ANKRD62: variants seen among roughly 807,000 people sequenced by gnomAD.
The protein encoded by ANKRD62 is ankyrin repeat domain 62.
Under a neutral mutation model 98.8 loss-of-function variants are expected in ANKRD62, and 61 were observed. The ratio of observed to expected loss-of-function variants is 0.62; its 90% CI spans 0.50 to 0.76. ANKRD62 has a LOEUF of 0.76. Ranked by LOEUF, ANKRD62 falls within the 30% of genes least tolerant of loss-of-function variation. The pLI, the probability that ANKRD62 is intolerant of heterozygous loss-of-function variation, is 0.00. For missense variants in ANKRD62, 933 were observed against 1,082.9 expected (o/e 0.86, Z 1.94); for synonymous variants, 341 against 367.9 (o/e 0.93, Z 0.84).
chr18:12,127,846 T>C lies in ANKRD62; in HGVS notation c.2661T>C (p.Asn887=). ...AGATTTCATCAGAACGTCGTATTAA[T>C]TTAGAAGATGAGGCACAAAGTTTAA... ...MLEISSERRI[N]LEDEAQSLKK... is the part of the protein sequence containing the mutation. Residue 887 remains asparagine, a synonymous_variant, in exon 14 of 14, where the codon AAT becomes AAC. Transcript: ENST00000587848. The C allele has an allele frequency of 6.6e-7, 1 of 1,526,236 alleles. No homozygotes were observed. The highest frequency in any genetic ancestry group is 2.0e-5 in the Admixed American group (1 of 48,852). The allele number at this position is 1,526,236 out of a possible 1,614,324, so 94.5% of individuals were successfully genotyped here. A position where few individuals can be genotyped will look rare whatever the true frequency, so the allele number is the denominator to read the frequency against.
chr18:12,164,585 T>A, the ANKRD62 span, among the ~76,000 whole-genome samples: 1 of 152,002 alleles, frequency 6.6e-6, no homozygotes, highest in African/African-American at 2.4e-5. Flanking sequence ...TGTTGTTTAT[T>A]TGAAGTTTTT....
chr18:12,113,665 T>A (rs1909597123), intron 8 of ANKRD62, among the ~76,000 whole-genome samples: 1 of 151,976 alleles, frequency 6.6e-6, no homozygotes, highest in Non-Finnish European at 1.5e-5. Flanking sequence ...CTTGTGAGGT[T>A]GTACAGAAAA....
chr18:12,152,663 A>C, the ANKRD62 span, among the ~76,000 whole-genome samples: 1 of 152,210 alleles, frequency 6.6e-6, no homozygotes, highest in African/African-American at 2.4e-5. Flanking sequence ...TCCCCTCAAA[A>C]ACCAGCACAA....
At chr18:12,146,634 C>T in the ANKRD62 span, among the ~76,000 whole-genome samples, 775 of 152,060 alleles carry the variant, frequency 5.1e-3, 1 homozygote, top group African/African-American at 0.016. Flanking sequence ...TTAGTAGAGA[C>T]GGGTTCTCAC....
chr18:12,123,633 A>G (rs1005527643), intron 11 of ANKRD62, among the ~76,000 whole-genome samples: 1 of 152,242 alleles, frequency 6.6e-6, no homozygotes, highest in African/African-American at 2.4e-5. Context: ...TCTTTAGCTT[A>G]GTCTTGGATT....
At chr18:12,149,993 G>A in the ANKRD62 span, among the ~76,000 whole-genome samples, 94 of 151,938 alleles carry the variant, frequency 6.2e-4, no homozygotes, top group Middle Eastern at 6.8e-3. Flanking sequence ...AATGAGGACC[G>A]TTGAGATTCA....
the ANKRD62 span, among the ~76,000 whole-genome samples, chr18:12,140,963 AG>A: frequency 2.6e-5 from 4 of 152,234 alleles, no homozygotes; most frequent in African/African-American, 7.2e-5. Context: ...TGGAGCCTAC[AG>A]AGGCAGGCAG....
chr18:12,136,168 T>C, the ANKRD62 span, among the ~76,000 whole-genome samples: 1 of 152,132 alleles, frequency 6.6e-6, no homozygotes, highest in African/African-American at 2.4e-5. Flanking sequence ...AGGGTTTTTA[T>C]GGTTTTAGGT....
chr18:12,127,331 T>A (rs1909913340), intron 13 of ANKRD62, among the ~76,000 whole-genome samples: 1 of 152,210 alleles, frequency 6.6e-6, no homozygotes, highest in South Asian at 2.1e-4. Context: ...TCTTCTGAGG[T>A]GGAAATCTGT....
chr18:12,171,306 T>C, the ANKRD62 span, among the ~76,000 whole-genome samples: 1 of 152,270 alleles, frequency 6.6e-6, no homozygotes, highest in Non-Finnish European at 1.5e-5. Flanking sequence ...TAGTGCTTCC[T>C]TCAGGAGCTC....
At chr18:12,109,015 C>T (rs768231694) in intron 8 of ANKRD62, among the ~76,000 whole-genome samples, 99 of 152,210 alleles carry the variant, frequency 6.5e-4, no homozygotes, top group Non-Finnish European at 9.4e-4. Flanking sequence ...TGTTGAGTGC[C>T]TGCAGCTTTT....
the ANKRD62 span, among the ~76,000 whole-genome samples, chr18:12,152,178 A>AG: frequency 4.0e-4 from 1 of 2,470 alleles, no homozygotes; most frequent in African/African-American, 6.8e-4. Context: ...AAATGCTTCC[A>AG]AAAAAAAAAA....
At chr18:12,181,367 A>G in the ANKRD62 span, among the ~76,000 whole-genome samples, 2 of 152,260 alleles carry the variant, frequency 1.3e-5, no homozygotes, top group African/African-American at 4.8e-5. Context: ...TTCATGGAAT[A>G]ACATTCACCA....
the ANKRD62 span, among the ~76,000 whole-genome samples, chr18:12,139,040 T>G: frequency 6.6e-6 from 1 of 152,226 alleles, no homozygotes; most frequent in African/African-American, 2.4e-5. Context: ...TTAGCCCATT[T>G]ACATTTAAGG....
rs1909435092 is a variant in ANKRD62, at chr18:12,107,300, A to C, written c.897A>C (p.Glu299Asp). ...EGCESSQPQV[E>D]EKMKKCRNKK... Reference sequence around the variant, plus strand: ...GTATGAAACTTTCATTGAAGGTTGAAGAAAAAATGAAGAAATGCAGAAATA... The same window carrying C: ...GTATGAAACTTTCATTGAAGGTTGACGAAAAAATGAAGAAATGCAGAAATA... The change falls in exon 8 of 14, where the codon GAA becomes GAC. Residue 299 changes from glutamate (E) to aspartate (D), a missense_variant. Around this residue, in one of 3 missense-constraint regions of ANKRD62, gnomAD observed 549 missense variants for 587.9 expected, o/e 0.93. Coordinates refer to ENST00000587848, the MANE Select transcript of ANKRD62 (RefSeq NM_001277333.2). 1 of 1,490,632 alleles carries C rather than the reference A, an allele frequency of 6.7e-7. No individual in the cohort carries two copies. Among genetic ancestry groups the C allele is most frequent in the African/African-American group, 1.4e-5 (1 of 70,956 alleles). The allele number at this position is 1,490,632 out of a possible 1,614,324, so 92.3% of individuals were successfully genotyped here.
chr18:12,121,158 G>C (rs1909774285), intron 10 of ANKRD62, among the ~76,000 whole-genome samples: 1 of 152,126 alleles, frequency 6.6e-6, no homozygotes, highest in South Asian at 2.1e-4. Flanking sequence ...TTACATTTCT[G>C]CAAGTGTGGT....
chr18:12,145,083 T>C, the ANKRD62 span, among the ~76,000 whole-genome samples: 59 of 151,536 alleles, frequency 3.9e-4, 1 homozygote, highest in South Asian at 4.4e-3. Context: ...GCGGAGGTTG[T>C]GGTGAGCCGA....
intron 6 of ANKRD62, among the ~76,000 whole-genome samples, chr18:12,101,809 G>A (rs9948384): frequency 0.59 from 90,397 of 152,016 alleles, 27,415 homozygotes; most frequent in Middle Eastern, 0.76. Context: ...TTTCTTAGTC[G>A]TAATTCCTCT....
the ANKRD62 span, among the ~76,000 whole-genome samples, chr18:12,146,444 G>C: frequency 3.9e-5 from 6 of 152,170 alleles, no homozygotes; most frequent in East Asian, 1.2e-3. Context: ...GACTTTTTTG[G>C]GGGGGCGTGT....
Sources: gnomAD v4.1 joint callset for allele counts (sites outside exome capture counted in the v4.1 genomes callset) on GRCh38, gnomAD v4.1.1 for gene constraint, gnomAD v4.1.1 regional missense constraint, MANE v1.5 for transcripts, NCBI Gene and HGNC (gene_info 2026-07-23, HGNC 2026-07-21) for gene names.